Variants in WDR70 observed in about 807,000 individuals in gnomAD.
WDR70 encodes WD repeat-containing protein 70.
Under a neutral mutation model 88.6 loss-of-function variants are expected in WDR70, and 53 were observed. The ratio of observed to expected loss-of-function variants is 0.60; its 90% CI spans 0.48 to 0.75. The LOEUF (loss-of-function observed/expected upper bound fraction) is 0.75, where lower values mean the gene tolerates loss of function less well. Among genes scored for constraint, WDR70 ranks in the 30% least tolerant of loss-of-function variants. The pLI, the probability that WDR70 is intolerant of heterozygous loss-of-function variation, is 0.00. For missense variants in WDR70, 610 were observed against 823.2 expected, an observed-to-expected ratio of 0.74 and a Z score of 3.17; for synonymous variants, 280 against 270.0, an observed-to-expected ratio of 1.04 and a Z score of -0.36.
intron 7 of WDR70, among the ~76,000 whole-genome samples, chr5:37,448,919 T>C (rs1449024058): frequency 6.6e-6 from 1 of 152,214 alleles, no homozygotes; most frequent in African/African-American, 2.4e-5. Context: ...GCTTTTCTCA[T>C]GGTTAGATTG....
intron 5 of WDR70, among the ~76,000 whole-genome samples, chr5:37,408,868 A>G (rs1749435770): frequency 1.3e-5 from 2 of 152,200 alleles, no homozygotes; most frequent in Admixed American, 6.5e-5. Flanking sequence ...TAAAAAGTGT[A>G]AAGTTTATTG....
intron 5 of WDR70, among the ~76,000 whole-genome samples, chr5:37,431,354 C>G (rs1750296869): frequency 6.6e-6 from 1 of 152,056 alleles, no homozygotes; most frequent in African/African-American, 2.4e-5. Flanking sequence ...CATCTTAAGT[C>G]CTTAAGATCT....
intron 13 of WDR70, among the ~76,000 whole-genome samples, chr5:37,720,332 T>G (rs888888568): frequency 6.6e-6 from 1 of 152,148 alleles, no homozygotes; most frequent in Non-Finnish European, 1.5e-5. Context: ...AACATTAGCT[T>G]CATCTTTTTT....
rs1053946238 is a variant in WDR70 at position 37,652,463 on chromosome 5, C to G, written c.1093-45192C>G. On this transcript the variant is annotated intron_variant, in intron 10 of 17. Transcript: ENST00000265107. ...CATATGAAATGTAAAGTAGTTTTCT[C>G]TAATTCTGTGAAGAAAGTCAATGGT... Among the ~76,000 whole-genome samples, 6 of 152,298 alleles carry G rather than the reference C, an allele frequency of 3.9e-5. No individual in the cohort carries two copies. The South Asian group carries it at 8.3e-4, about 21-fold the overall frequency.
At chr5:37,611,552 A>T (rs935647791) in intron 10 of WDR70, among the ~76,000 whole-genome samples, 2 of 151,934 alleles carry the variant, frequency 1.3e-5, no homozygotes, top group African/African-American at 2.4e-5. Context: ...AGATTTTTTT[A>T]AAAAAATGCA....
At chr5:37,567,561 C>G (rs1014088766) in intron 9 of WDR70, among the ~76,000 whole-genome samples, 2 of 152,066 alleles carry the variant, frequency 1.3e-5, no homozygotes, top group Admixed American at 1.3e-4. Flanking sequence ...GAGCAACCCC[C>G]CAAAGATGCA....
At chr5:37,387,113 A>G (rs2111865276) in intron 3 of WDR70, among the ~76,000 whole-genome samples, 1 of 151,366 alleles carries the variant, frequency 6.6e-6, no homozygotes, top group South Asian at 2.1e-4. Context: ...AAAAAAAAAA[A>G]TGGGCACAAT....
At chr5:37,562,603 A>G (rs1250806690) in intron 9 of WDR70, among the ~76,000 whole-genome samples, 1 of 152,192 alleles carries the variant, frequency 6.6e-6, no homozygotes, top group Non-Finnish European at 1.5e-5. Context: ...GGCCTTCCGC[A>G]GTGTTTGTGT....
chr5:37,520,312 T>A (rs941331524), intron 9 of WDR70, among the ~76,000 whole-genome samples: 3 of 152,164 alleles, frequency 2.0e-5, no homozygotes, highest in Non-Finnish European at 4.4e-5. Flanking sequence ...TGACATAATT[T>A]CACTTTCATA....
intron 5 of WDR70, among the ~76,000 whole-genome samples, chr5:37,427,453 T>C (rs1216497527): frequency 1.3e-5 from 2 of 151,914 alleles, no homozygotes; most frequent in South Asian, 2.1e-4. Flanking sequence ...CATGCACACA[T>C]AGACGTGTAT....
intron 13 of WDR70, among the ~76,000 whole-genome samples, chr5:37,714,526 A>ATCCTGAG (rs1554014414): frequency 6.6e-6 from 1 of 151,220 alleles, no homozygotes; most frequent in Non-Finnish European, 1.5e-5. Flanking sequence ...AGAAATGACT[A>ATCCTGAG]GCCCCAGTGC....
intron 10 of WDR70, among the ~76,000 whole-genome samples, chr5:37,659,616 A>G (rs1374921110): frequency 6.6e-6 from 1 of 152,130 alleles, no homozygotes; most frequent in Non-Finnish European, 1.5e-5. Flanking sequence ...TAGATAACAG[A>G]TATTTATTTT....
chr5:37,621,595 T>C (rs1327555392), intron 10 of WDR70, among the ~76,000 whole-genome samples: 1 of 152,166 alleles, frequency 6.6e-6, no homozygotes, highest in Non-Finnish European at 1.5e-5. Flanking sequence ...TTCTTGTAAA[T>C]TTGTTTGAGT....
Position 37,415,490 on chromosome 5 carries a change from C to T in WDR70, c.492+18920C>T, listed in dbSNP as rs1224662813. Among the ~76,000 whole-genome samples the T allele has an allele frequency of 4.4e-5, 3 of 68,796 alleles. 1 individual carries two copies. Among genetic ancestry groups the T allele is most frequent in the Non-Finnish European group, 9.4e-5 (3 of 32,032 alleles). The allele number at this position is 68,796 out of a possible 152,430, so 45.1% of individuals were successfully genotyped here. A position where few individuals can be genotyped will look rare whatever the true frequency, so the allele number is the denominator to read the frequency against. On this transcript the variant is annotated intron_variant, in intron 5 of 17. Transcript: ENST00000265107. ...CCCCCCACCTCCCTCCCGGAAGGGG[C>T]GGCTGGGGGTGGGGGGGGCCTGACC...
intron 10 of WDR70, among the ~76,000 whole-genome samples, chr5:37,692,565 G>A (rs182908171): frequency 3.3e-5 from 5 of 152,228 alleles, no homozygotes; most frequent in African/African-American, 4.8e-5. Context: ...TTTAACATAC[G>A]TAAATCAATA....
intron 9 of WDR70, among the ~76,000 whole-genome samples, chr5:37,565,074 A>G (rs1225465802): frequency 6.6e-6 from 1 of 152,152 alleles, no homozygotes; most frequent in Non-Finnish European, 1.5e-5. Context: ...TTTACATGAC[A>G]TTTTATATAA....
chr5:37,518,491 A>G (rs1001470007), intron 9 of WDR70, among the ~76,000 whole-genome samples: 1 of 152,114 alleles, frequency 6.6e-6, no homozygotes, highest in Non-Finnish European at 1.5e-5. Context: ...CATTTAATGT[A>G]ATGATCTCCA....
At chr5:37,626,504 T>C (rs1169043052) in intron 10 of WDR70, among the ~76,000 whole-genome samples, 2 of 152,218 alleles carry the variant, frequency 1.3e-5, no homozygotes, top group Non-Finnish European at 2.9e-5. Context: ...TTGTTAGAAC[T>C]CAGCTTGTTA....
intron 9 of WDR70, among the ~76,000 whole-genome samples, chr5:37,545,587 G>T (rs1343642955): frequency 1.3e-5 from 2 of 150,998 alleles, no homozygotes; most frequent in African/African-American, 4.9e-5. Context: ...AGGCTGGAGC[G>T]CAGTGGCTGA....
Sources: gnomAD v4.1 joint callset for allele counts (sites outside exome capture counted in the v4.1 genomes callset) on GRCh38, gnomAD v4.1.1 for gene constraint, MANE v1.5 for transcripts, NCBI Gene and HGNC (gene_info 2026-07-23, HGNC 2026-07-21) for gene names.